The following BDH1 variants were observed in gnomAD, a reference collection of about 807,000 sequenced individuals.
The protein encoded by BDH1 is 3-hydroxybutyrate dehydrogenase 1, also known as D-beta-hydroxybutyrate dehydrogenase, mitochondrial.
Under a neutral mutation model 33.1 loss-of-function variants are expected in BDH1, and 30 were observed. That is an observed-to-expected ratio of 0.91 (90% CI 0.68 to 1.23). The LOEUF (loss-of-function observed/expected upper bound fraction) is 1.23, where lower values mean the gene tolerates loss of function less well. BDH1 is among the 50% of genes most tolerant of loss of function. BDH1 has a pLI of 0.00. For synonymous variants in BDH1, 190 were observed against 183.6 expected, an observed-to-expected ratio of 1.03 and a Z score of -0.28; for missense variants, 443 against 464.4, an observed-to-expected ratio of 0.95 and a Z score of 0.42.
At chr3:197,551,558 T>C (rs1244362769) in intron 2 of BDH1, among the ~76,000 whole-genome samples, 3 of 152,192 alleles carry the variant, frequency 2.0e-5, no homozygotes, top group East Asian at 1.9e-4. Flanking sequence ...CTCTTCAATA[T>C]ACTGATTTCC....
In BDH1 at chr3:197,509,834, A is replaced by G. The variant is rs1177941297; in HGVS notation, c.*2061T>C. 1.3e-5 allele frequency: 2 copies of G among 152,248 alleles called. No individual in the cohort carries two copies. The highest frequency in any genetic ancestry group is 2.1e-4 in the South Asian group (1 of 4,830). The allele number at this position is 152,248 out of a possible 1,614,324, so 9.4% of individuals were successfully genotyped here. On this transcript the variant is annotated 3_prime_UTR_variant, in exon 8 of 8. Transcript: ENST00000392379. ...CAGCACGGACACAAATTCGCCCAAC[A>G]TGTAAAAGTGCAATTCCGAAAGGAT...
At chr3:197,570,492 G>A (rs891077530) in intron 1 of BDH1, among the ~76,000 whole-genome samples, 6 of 152,214 alleles carry the variant, frequency 3.9e-5, no homozygotes, top group African/African-American at 1.2e-4. Flanking sequence ...GAAAATGTTT[G>A]CGTGGCCTGG....
intron 6 of BDH1, among the ~76,000 whole-genome samples, chr3:197,519,678 A>C (rs1360604359): frequency 6.6e-6 from 1 of 151,778 alleles, no homozygotes; most frequent in Non-Finnish European, 1.5e-5. Flanking sequence ...AAATTAATTA[A>C]TTAATTAATT....
intron 3 of BDH1, among the ~76,000 whole-genome samples, chr3:197,540,058 A>G (rs1267614496): frequency 6.7e-6 from 1 of 150,130 alleles, no homozygotes; most frequent in African/African-American, 2.4e-5. Flanking sequence ...CACCCTTAGC[A>G]CTTTTTTTTT....
At chr3:197,549,298 C>T (rs1241310936) in intron 2 of BDH1, among the ~76,000 whole-genome samples, 1 of 152,198 alleles carries the variant, frequency 6.6e-6, no homozygotes, top group African/African-American at 2.4e-5. Context: ...GGGCTTCTCT[C>T]AAGGGCCCGC....
intron 2 of BDH1, among the ~76,000 whole-genome samples, chr3:197,551,139 C>A (rs1484176485): frequency 6.6e-6 from 1 of 152,140 alleles, no homozygotes; most frequent in Non-Finnish European, 1.5e-5. Flanking sequence ...CTGTGTTATG[C>A]TAGCAAATAC....
In BDH1 at chr3:197,564,953, G is replaced by A. The variant is rs113001614; in HGVS notation, c.-44+8228C>T. Among the ~76,000 whole-genome samples the A allele has an allele frequency of 5.7e-3, 863 of 151,838 alleles. 8 individuals are homozygous for A. The highest frequency in any genetic ancestry group is 0.018 in the African/African-American group (730 of 41,352). On this transcript the variant is annotated intron_variant, in intron 1 of 6. Transcript: ENST00000358186. ...TGTTTTGTTTTTGAGATAGAGTTTC[G>A]CTCTTGTTGCCCAGGCTAGGGTGCA...
Position 197,521,207 on chromosome 3 carries a change from G to A in BDH1, c.409+1433C>T, listed in dbSNP as rs1713509295. 6.6e-6 allele frequency among the ~76,000 whole-genome samples: 1 copy of A among 152,180 alleles called. No homozygotes were observed. The highest frequency in any genetic ancestry group is 2.4e-5 in the African/African-American group (1 of 41,432). On this transcript the variant is annotated intron_variant, in intron 6 of 7. Coordinates refer to ENST00000392379, the MANE Select transcript of BDH1 (RefSeq NM_203314.3). This position sits in a 1 kb window ranked among gnomAD's most constrained non-coding sequence, Gnocchi z 4.9. ...CACACCCTTTCTGCCTGGGCTGTCA[G>A]GGAGCTCAAAGGTAAACTTCATAGA...
At position 197,520,066 on chromosome 3, in the gene BDH1, G is replaced by A. The variant is rs778030550; in HGVS notation, c.409+2574C>T. Among the ~76,000 whole-genome samples the A allele has an allele frequency of 3.9e-5, 6 of 152,022 alleles. No homozygotes were observed. The highest frequency in any genetic ancestry group is 7.3e-5 in the African/African-American group (3 of 41,378). ...GGTGGCGGCCACTGCGGGTCGGAAC[G>A]CTCTGGGAGGGTGCTCCCTGGAGTT... On this transcript the variant is annotated intron_variant, in intron 6 of 7. Transcript: ENST00000392379. This position sits in a 1 kb window ranked among gnomAD's most constrained non-coding sequence, Gnocchi z 6.0.
intron 1 of BDH1, 37 bp downstream of exon 1, chr3:197,555,744 C>T (rs1024524929): frequency 2.0e-5 from 3 of 152,292 alleles, no homozygotes; most frequent in African/African-American, 7.2e-5. Flanking sequence ...CCAGGGAATC[C>T]CGCCCGAGCT....
intron 5 of BDH1, among the ~76,000 whole-genome samples, chr3:197,531,564 ACT>A (rs1172634888): frequency 6.6e-6 from 1 of 151,856 alleles, no homozygotes; most frequent in East Asian, 1.9e-4. Flanking sequence ...AAAACATCAC[ACT>A]AAGTGTTCAA....
intron 3 of BDH1, among the ~76,000 whole-genome samples, chr3:197,535,608 AGG>A (rs1335579751): frequency 2.6e-5 from 4 of 152,242 alleles, no homozygotes; most frequent in African/African-American, 4.8e-5. Context: ...AGTGAAACCA[AGG>A]CTGAGAGAGT....
chr3:197,528,948 G>T lies in BDH1; in HGVS notation c.267+3464C>A, dbSNP rs1314576272. 1 of 152,250 alleles carries T rather than the reference G, an allele frequency of 6.6e-6. No homozygotes were observed. The highest frequency in any genetic ancestry group is 1.5e-5 in the Non-Finnish European group (1 of 68,072). The allele number at this position is 152,250 out of a possible 1,614,324, so 9.4% of individuals were successfully genotyped here. A position where few individuals can be genotyped will look rare whatever the true frequency, so the allele number is the denominator to read the frequency against. On this transcript the variant is annotated intron_variant, in intron 5 of 7. Coordinates refer to ENST00000392379, the MANE Select transcript of BDH1 (RefSeq NM_203314.3). This position sits in a 1 kb window ranked among gnomAD's most constrained non-coding sequence, Gnocchi z 5.1. ...CTGACTGTGGCTCCCTGTGTCACTG[G>T]ATAAGCCAGCACAATGGCACAGAAG...
At chr3:197,541,078 C>T (rs1465014066) in intron 3 of BDH1, among the ~76,000 whole-genome samples, 1 of 152,242 alleles carries the variant, frequency 6.6e-6, no homozygotes, top group East Asian at 1.9e-4. Flanking sequence ...ATTTGCAGCT[C>T]TTACAGTCGC....
At chr3:197,563,201 G>A (rs992993606) in intron 1 of BDH1, among the ~76,000 whole-genome samples, 1 of 152,154 alleles carries the variant, frequency 6.6e-6, no homozygotes, top group African/African-American at 2.4e-5. Flanking sequence ...ATGTCCAATT[G>A]TTAATTAAAT....
chr3:197,536,118 G>T (rs1384876880), intron 3 of BDH1, among the ~76,000 whole-genome samples: 1 of 151,932 alleles, frequency 6.6e-6, no homozygotes, highest in Non-Finnish European at 1.5e-5. Context: ...TGTATAAGAC[G>T]TCAGACTTAG....
intron 1 of BDH1, among the ~76,000 whole-genome samples, chr3:197,565,725 C>T (rs1484440791): frequency 6.6e-6 from 1 of 152,080 alleles, no homozygotes; most frequent in Non-Finnish European, 1.5e-5. Flanking sequence ...CTGTGGCTGC[C>T]TTAAAACCTT....
In BDH1 at chr3:197,553,527, C is replaced by CAA. The variant is rs750811753; in HGVS notation, c.-44+1033_-44+1034dup. On this transcript the variant is annotated intron_variant, in intron 2 of 7. Coordinates refer to ENST00000392379, the MANE Select transcript of BDH1 (RefSeq NM_203314.3). The stretch of plus-strand genomic sequence containing the variant: ...CTGGCAACAGAGCAAGACTCTGTCT[C>CAA]AAAAAAAAAAAAAAAAAAAGAAGAG... 1.4e-3 allele frequency among the ~76,000 whole-genome samples: 136 copies of CAA among 97,072 alleles called. 5 individuals are homozygous for CAA. In the East Asian group the frequency reaches 0.038, roughly 27 times the overall value. The allele number at this position is 97,072 out of a possible 152,430, so 63.7% of individuals were successfully genotyped here.
At chr3:197,561,337 T>TC (rs201703049) in intron 1 of BDH1, among the ~76,000 whole-genome samples, 2,422 of 151,694 alleles carry the variant, frequency 0.016, 38 homozygotes, top group Non-Finnish European at 0.027. Flanking sequence ...TCTGTACAAC[T>TC]CCCCCCCACC....
Sources: gnomAD v4.1 joint callset for allele counts (sites outside exome capture counted in the v4.1 genomes callset) on GRCh38, gnomAD v4.1.1 for gene constraint, Gnocchi (gnomAD v3.1) non-coding constraint, MANE v1.5 for transcripts, NCBI Gene and HGNC (gene_info 2026-07-23, HGNC 2026-07-21) for gene names.